The following TMEM33 variants were observed in gnomAD, a reference collection of about 807,000 sequenced individuals.
TMEM33 encodes transmembrane protein 33.
TMEM33 carries 16 observed loss-of-function variants against 29.7 expected under a neutral mutation model. The observed-to-expected ratio is 0.54, with a 90% CI of 0.36 to 0.82. TMEM33 has a LOEUF of 0.82. Among genes scored for constraint, TMEM33 ranks in the 40% least tolerant of loss-of-function variants. The pLI is 0.00. For missense variants in TMEM33, 252 were observed against 295.3 expected (o/e 0.85, Z 1.08); for synonymous variants, 112 against 109.4 (o/e 1.02, Z -0.15).
intron 3 of TMEM33, among the ~76,000 whole-genome samples, chr4:41,939,998 G>A (rs1191329785): frequency 6.6e-6 from 1 of 151,610 alleles, no homozygotes; most frequent in Non-Finnish European, 1.5e-5. Context: ...CCATAAAGGA[G>A]GGGAAAAATG....
At chr4:41,945,472 A>G (rs1712743573) in intron 5 of TMEM33, among the ~76,000 whole-genome samples, 1 of 152,238 alleles carries the variant, frequency 6.6e-6, no homozygotes, top group African/African-American at 2.4e-5. Context: ...TTTTACAAGT[A>G]ATGAGACATT....
intron 5 of TMEM33, among the ~76,000 whole-genome samples, chr4:41,945,795 AC>A (rs1446806434): frequency 6.6e-6 from 1 of 152,150 alleles, no homozygotes; most frequent in Non-Finnish European, 1.5e-5. Context: ...ACATAGTGAA[AC>A]CCTGTCTCTG....
intron 6 of TMEM33, among the ~76,000 whole-genome samples, chr4:41,951,094 T>G (rs139531214): frequency 6.6e-6 from 1 of 152,322 alleles, no homozygotes; most frequent in African/African-American, 2.4e-5. Context: ...TGAGACCATC[T>G]CTATTCACAA....
chr4:41,935,237 G>T (rs1015204474), upstream of TMEM33: 1 of 586,802 alleles, frequency 1.7e-6, no homozygotes, highest in African/African-American at 1.9e-5. Flanking sequence ...TGGAAACACC[G>T]CTTTGATCTC....
At position 41,959,333 on chromosome 4, in the gene TMEM33, G is replaced by A. The variant is rs1473374209; in HGVS notation, c.*5134G>A. 1 of 150,928 alleles carries A rather than the reference G, an allele frequency of 6.6e-6. No homozygotes were observed. The highest frequency in any genetic ancestry group is 1.5e-5 in the Non-Finnish European group (1 of 67,372). The allele number at this position is 150,928 out of a possible 1,614,324, so 9.3% of individuals were successfully genotyped here. A position where few individuals can be genotyped will look rare whatever the true frequency, so the allele number is the denominator to read the frequency against. ...TAGAAGGAACATAGTCAAGTGTGAT[G>A]GATTAACTCTATATAGTCTTTCTCC... On this transcript the variant is annotated 3_prime_UTR_variant, in exon 7 of 7. Coordinates refer to ENST00000504986, the MANE Select transcript of TMEM33 (RefSeq NM_018126.3).
chr4:41,940,827 AAAAG>A (rs1241009961), intron 3 of TMEM33, among the ~76,000 whole-genome samples: 3 of 151,724 alleles, frequency 2.0e-5, no homozygotes, highest in Admixed American at 2.0e-4. Context: ...AAAAAAAAAA[AAAAG>A]AACTTGACAT....
In TMEM33 at chr4:41,955,413, C is replaced by A. The variant is rs1051830369; in HGVS notation, c.*1214C>A. On this transcript the variant is annotated 3_prime_UTR_variant, in exon 7 of 7. Coordinates refer to ENST00000504986, the MANE Select transcript of TMEM33 (RefSeq NM_018126.3). ...CTCTTATAAAATTCATGCTGATCTTCATTACCGTTGCATGATTGGAAATGT... is the reference window on the plus strand; with the variant it reads ...CTCTTATAAAATTCATGCTGATCTTAATTACCGTTGCATGATTGGAAATGT... The A allele has an allele frequency of 6.6e-6, 1 of 152,452 alleles. No homozygotes were observed. The highest frequency in any genetic ancestry group is 1.5e-5 in the Non-Finnish European group (1 of 68,038). 9.4% of individuals were successfully genotyped at this position (152,452 alleles called of 1,614,324 possible). A position where few individuals can be genotyped will look rare whatever the true frequency, so the allele number is the denominator to read the frequency against.
intron 3 of TMEM33, among the ~76,000 whole-genome samples, chr4:41,942,714 C>A (rs1054471230): frequency 2.6e-5 from 4 of 151,588 alleles, no homozygotes; most frequent in Non-Finnish European, 5.9e-5. Context: ...TGAACAATTT[C>A]CATTTTTCAA....
At chr4:41,951,259 T>C (rs111900965) in intron 6 of TMEM33, among the ~76,000 whole-genome samples, 4,324 of 152,238 alleles carry the variant, frequency 0.028, 103 homozygotes, top group African/African-American at 0.055. Context: ...AGAACTTGGT[T>C]CCTTTTGAGC....
Position 41,939,522 on chromosome 4 carries a change from T to C in TMEM33, c.328+139T>C, listed in dbSNP as rs1480382476. The C allele has an allele frequency of 3.3e-6, 3 of 899,744 alleles. No homozygotes were observed. The East Asian group carries it at 7.9e-5, about 24-fold the overall frequency. 55.7% of individuals were successfully genotyped at this position (899,744 alleles called of 1,614,324 possible). Reference sequence around the variant, plus strand: ...TTCATTTGAATGAAGATATGTTTAGTGTAAGAATTTCTGACTTTAAAATGT... The same window carrying C: ...TTCATTTGAATGAAGATATGTTTAGCGTAAGAATTTCTGACTTTAAAATGT... On this transcript the variant is annotated intron_variant, in intron 3 of 6. Transcript: ENST00000504986.
intron 6 of TMEM33, among the ~76,000 whole-genome samples, chr4:41,953,292 A>G (rs533975361): frequency 3.9e-5 from 6 of 152,366 alleles, no homozygotes; most frequent in African/African-American, 1.2e-4. Context: ...AGACTACCAC[A>G]ATAAAGTGAA....
At chr4:41,937,126 A>C (rs932932864) in intron 1 of TMEM33, among the ~76,000 whole-genome samples, 6 of 152,052 alleles carry the variant, frequency 3.9e-5, no homozygotes, top group Admixed American at 1.3e-4. Flanking sequence ...ACTTTCTTAA[A>C]CTTTTAAAAT....
rs1305300913 is a variant in TMEM33 at position 41,955,184 on chromosome 4, CCCA to C, written c.*986_*988del. 1 of 152,140 alleles carries C rather than the reference CCCA, an allele frequency of 6.6e-6. No homozygotes were observed. Among genetic ancestry groups the C allele is most frequent in the Non-Finnish European group, 1.5e-5 (1 of 67,964 alleles). 9.4% of individuals were successfully genotyped at this position (152,140 alleles called of 1,614,324 possible). A position where few individuals can be genotyped will look rare whatever the true frequency, so the allele number is the denominator to read the frequency against. ...GAGTATACTGTAGATTACATGTTTA[CCCA>C]TCAAATCTGACTTAAAAGGTTAAAT... On this transcript the variant is annotated 3_prime_UTR_variant, in exon 7 of 7. Coordinates refer to ENST00000504986, the MANE Select transcript of TMEM33 (RefSeq NM_018126.3).
At chr4:41,947,225 A>T (rs1712835651) in intron 5 of TMEM33, among the ~76,000 whole-genome samples, 2 of 142,922 alleles carry the variant, frequency 1.4e-5, no homozygotes, top group South Asian at 2.3e-4. Context: ...ACAGACCAAG[A>T]CTCCCTCTCA....
chr4:41,936,407 G>A (rs1712235321), intron 1 of TMEM33, among the ~76,000 whole-genome samples: 1 of 152,192 alleles, frequency 6.6e-6, no homozygotes, highest in Non-Finnish European at 1.5e-5. Flanking sequence ...GCGGGGCGTG[G>A]TGGCTCACGC....
Position 41,938,652 on chromosome 4 carries a change from G to T in TMEM33, c.96G>T (p.Leu32Phe), listed in dbSNP as rs1374760613. Residue 32 changes from leucine to phenylalanine, a missense_variant, in exon 2 of 7, where the codon TTG (leucine) becomes TTT (phenylalanine). Coordinates refer to ENST00000504986, the MANE Select transcript of TMEM33 (RefSeq NM_018126.3). ...ACACGGCAATGTGGCTTTCTCGCTT[G>T]TTCACAGTTTACTGCTCTGCTCTGT... is the stretch of plus-strand genomic sequence containing the variant. Reference protein sequence around the residue: ...KLDTAMWLSRLFTVYCSALFV... With the variant: ...KLDTAMWLSRFFTVYCSALFV... 6.2e-7 allele frequency: 1 copy of T among 1,613,972 alleles called. No individual in the cohort carries two copies. The highest frequency in any genetic ancestry group is 8.5e-7 in the Non-Finnish European group (1 of 1,180,008).
intron 2 of TMEM33, 132 bp downstream of exon 2, chr4:41,938,828 G>A (rs944620470): frequency 5.3e-6 from 4 of 754,766 alleles, no homozygotes; most frequent in Non-Finnish European, 8.9e-6. Flanking sequence ...CCAGCCTTCA[G>A]GTACTAACAA....
intron 6 of TMEM33, chr4:41,953,797 A>G (rs1254221051): frequency 2.1e-6 from 1 of 485,728 alleles, no homozygotes; most frequent in Non-Finnish European, 4.0e-6. Flanking sequence ...AGTAACACCA[A>G]AGAGATCACC....
chr4:41,935,589 C>CGTT lies in TMEM33; in HGVS notation c.45+62_45+64dup. Reference sequence around the variant, plus strand: ...GCAAGAGTTAGGAAGAAGCAGGAAGCGTTGCGAGTCCCGAGGCGTTCCAGA... The same window carrying CGTT: ...GCAAGAGTTAGGAAGAAGCAGGAAGCGTTGTTGCGAGTCCCGAGGCGTTCCAGA... On this transcript the variant is annotated intron_variant, in intron 1 of 6. Coordinates refer to ENST00000504986, the MANE Select transcript of TMEM33 (RefSeq NM_018126.3). 2.6e-6 allele frequency: 4 copies of CGTT among 1,533,864 alleles called. No homozygotes were observed. The South Asian group carries it at 4.7e-5, about 18-fold the overall frequency.
Sources: gnomAD v4.1 joint callset for allele counts (sites outside exome capture counted in the v4.1 genomes callset) on GRCh38, gnomAD v4.1.1 for gene constraint, MANE v1.5 for transcripts, NCBI Gene and HGNC (gene_info 2026-07-23, HGNC 2026-07-21) for gene names.